The following TMEM87B variants were observed in gnomAD, a reference collection of about 807,000 sequenced individuals.
TMEM87B encodes the protein transmembrane protein 87B.
In TMEM87B, 83 loss-of-function variants were observed where a neutral mutation model predicts 80.3. That is an observed-to-expected ratio of 1.03 (90% CI 0.87 to 1.24). The LOEUF is 1.24. TMEM87B is among the 50% of genes most tolerant of loss of function. TMEM87B has a pLI of 0.00. For missense variants in TMEM87B, 625 were observed against 674.4 expected, an observed-to-expected ratio of 0.93 and a Z score of 0.81; for synonymous variants, 219 against 230.5, an observed-to-expected ratio of 0.95 and a Z score of 0.45.
At chr2:112,100,929 C>T (rs1352951083) in intron 15 of TMEM87B, among the ~76,000 whole-genome samples, 6 of 152,104 alleles carry the variant, frequency 3.9e-5, no homozygotes, top group Non-Finnish European at 8.8e-5. Context: ...GAAATAGTTA[C>T]ACTGTTTTTC....
At chr2:112,080,092 G>C (rs994516513) in intron 6 of TMEM87B, among the ~76,000 whole-genome samples, 8 of 151,176 alleles carry the variant, frequency 5.3e-5, no homozygotes, top group African/African-American at 1.7e-4. Flanking sequence ...ACCCCACCTG[G>C]CTAATTTTTC....
intron 3 of TMEM87B, among the ~76,000 whole-genome samples, chr2:112,066,287 C>G (rs145655670): frequency 6.6e-6 from 1 of 152,288 alleles, no homozygotes; most frequent in East Asian, 1.9e-4. Context: ...ATCAATCTGT[C>G]TTATCTGTCA....
intron 4 of TMEM87B, among the ~76,000 whole-genome samples, chr2:112,074,227 G>A (rs2104467719): frequency 6.6e-6 from 1 of 152,198 alleles, no homozygotes; most frequent in African/African-American, 2.4e-5. Context: ...TCCATATTTA[G>A]TGCTTCTTTC....
intron 11 of TMEM87B, among the ~76,000 whole-genome samples, chr2:112,092,622 G>A (rs1679338796): frequency 6.6e-6 from 1 of 152,172 alleles, no homozygotes; most frequent in South Asian, 2.1e-4. Context: ...TAGGGTAGGG[G>A]ATATGGAAAG....
At chr2:112,090,520 A>G (rs887020649) in intron 10 of TMEM87B, among the ~76,000 whole-genome samples, 1 of 151,972 alleles carries the variant, frequency 6.6e-6, no homozygotes, top group Non-Finnish European at 1.5e-5. Flanking sequence ...TCCATCTCCT[A>G]GACTTAAGCA....
At chr2:112,098,809 AC>A in intron 14 of TMEM87B, 111 bp downstream of exon 14, 1 of 975,866 alleles carries the variant, frequency 1.0e-6, no homozygotes, top group Non-Finnish European at 1.6e-6. Context: ...TAAGGAGTAT[AC>A]AGTCAAGTAG....
At chr2:112,108,828 A>G (rs888613855) in intron 17 of TMEM87B, among the ~76,000 whole-genome samples, 3 of 152,190 alleles carry the variant, frequency 2.0e-5, no homozygotes, top group South Asian at 2.1e-4. Flanking sequence ...CTGTATACCT[A>G]AAGTGGAATT....
At chr2:112,085,182 T>A (rs865953331) in intron 8 of TMEM87B, among the ~76,000 whole-genome samples, 4 of 152,236 alleles carry the variant, frequency 2.6e-5, no homozygotes, top group South Asian at 4.1e-4. Context: ...TGACAGGGGC[T>A]CCAAACTGCA....
At chr2:112,098,334 G>A (rs1340634673) in intron 13 of TMEM87B, among the ~76,000 whole-genome samples, 2 of 152,148 alleles carry the variant, frequency 1.3e-5, no homozygotes, top group Non-Finnish European at 2.9e-5. Flanking sequence ...GAAATCCTAA[G>A]TATATGTTTT....
At chr2:112,093,465 C>A (rs1679365105) in intron 11 of TMEM87B, among the ~76,000 whole-genome samples, 1 of 152,106 alleles carries the variant, frequency 6.6e-6, no homozygotes, top group African/African-American at 2.4e-5. Context: ...TAAAGACTTA[C>A]CAAATTATAT....
At chr2:112,092,666 T>G (rs1037702524) in intron 11 of TMEM87B, among the ~76,000 whole-genome samples, 2 of 152,080 alleles carry the variant, frequency 1.3e-5, no homozygotes, top group African/African-American at 2.4e-5. Context: ...TAGAAATGGG[T>G]GGAAGAGAGC....
chr2:112,108,343 C>T (rs1449058516), intron 17 of TMEM87B, among the ~76,000 whole-genome samples: 2 of 152,126 alleles, frequency 1.3e-5, no homozygotes, highest in African/African-American at 4.8e-5. Context: ...AATTTTTTTA[C>T]ATATTGGTCT....
At position 112,074,979 on chromosome 2, in the gene TMEM87B, G is replaced by T. The variant is rs746984880; in HGVS notation, c.501+17G>T. 99 of 1,578,344 alleles carry T rather than the reference G, an allele frequency of 6.3e-5. No homozygotes were observed. Among genetic ancestry groups the T allele is most frequent in the Non-Finnish European group, 8.4e-5 (97 of 1,158,568 alleles). On this transcript the variant is annotated intron_variant, in intron 5 of 18. Coordinates refer to ENST00000283206, the MANE Select transcript of TMEM87B (RefSeq NM_032824.3). Reference sequence around the variant, plus strand: ...AGATCAATGGTAAGCAGTTTGATTTGTCTTTAAATCAAATATACACAAGTT... The same window carrying T: ...AGATCAATGGTAAGCAGTTTGATTTTTCTTTAAATCAAATATACACAAGTT...
rs745843973 is a variant in TMEM87B, at chr2:112,089,690, C to T, written c.1004C>T (p.Ala335Val). The T allele has an allele frequency of 6.2e-7, 1 of 1,614,114 alleles. No individual in the cohort carries two copies. Among genetic ancestry groups the T allele is most frequent in the Non-Finnish European group, 8.5e-7 (1 of 1,179,998 alleles). ...GGGCTTCTATACTTAATCTTTGCAG[C>T]TGTTGAAGGCGTGATGAGAGTCATT... ...GLGLLYLIFA[A>V]VEGVMRVIGG... Residue 335 changes from alanine to valine, a missense_variant, in exon 10 of 19, where the codon GCT becomes GTT. Ala to Val is a moderately conservative substitution (Grantham distance 64). Coordinates refer to ENST00000283206, the MANE Select transcript of TMEM87B (RefSeq NM_032824.3).
At chr2:112,057,823 C>G (rs1031608222) in intron 1 of TMEM87B, among the ~76,000 whole-genome samples, 1 of 143,402 alleles carries the variant, frequency 7.0e-6, no homozygotes, top group Non-Finnish European at 1.5e-5. Context: ...AGACCTGCCT[C>G]AGTCTTTTTT....
At chr2:112,064,658 C>T (rs535850054) in intron 3 of TMEM87B, among the ~76,000 whole-genome samples, 1 of 152,282 alleles carries the variant, frequency 6.6e-6, no homozygotes, top group African/African-American at 2.4e-5. Context: ...AAGGAGGTAT[C>T]TGGGGAAAGG....
At chr2:112,088,363 C>T (rs943963823) in intron 9 of TMEM87B, among the ~76,000 whole-genome samples, 18 of 152,076 alleles carry the variant, frequency 1.2e-4, no homozygotes, top group Non-Finnish European at 2.1e-4. Flanking sequence ...TTAAATGAAT[C>T]CCTTCACTGT....
intron 15 of TMEM87B, among the ~76,000 whole-genome samples, chr2:112,102,304 A>G (rs1040689243): frequency 1.3e-5 from 2 of 152,228 alleles, no homozygotes; most frequent in Non-Finnish European, 2.9e-5. Flanking sequence ...CTAGCAAAAT[A>G]TAGAAAGACA....
chr2:112,089,742 C>A, intron 10 of TMEM87B, 24 bp downstream of exon 10: 12 of 1,602,356 alleles, frequency 7.5e-6, no homozygotes, highest in Non-Finnish European at 1.0e-5. Flanking sequence ...TATTCTACCA[C>A]CCCTTTTTGT....
Sources: gnomAD v4.1 joint callset for allele counts (sites outside exome capture counted in the v4.1 genomes callset) on GRCh38, gnomAD v4.1.1 for gene constraint, MANE v1.5 for transcripts, NCBI Gene and HGNC (gene_info 2026-07-23, HGNC 2026-07-21) for gene names.